RBFOX1: variants seen among roughly 807,000 people sequenced by gnomAD.
RBFOX1 encodes RNA binding fox-1 homolog 1.
In RBFOX1, 8 loss-of-function variants were observed where a neutral mutation model predicts 57.7. The observed-to-expected ratio is 0.14, with a 90% CI of 0.08 to 0.25. RBFOX1 has a LOEUF of 0.25. Among genes scored for constraint, RBFOX1 ranks in the 10% least tolerant of loss-of-function variants. The probability of loss-of-function intolerance (pLI) is 1.00; values close to 1 mark genes in which losing one functional copy is unlikely to be tolerated. For missense variants in RBFOX1, 611 were observed against 548.5 expected (o/e 1.11, Z -1.14); for synonymous variants, 326 against 222.4 (o/e 1.47, Z -4.15).
At chr16:7,678,123 G>A (rs2073859285) in intron 14 of RBFOX1, among the ~76,000 whole-genome samples, 1 of 152,140 alleles carries the variant, frequency 6.6e-6, no homozygotes. Flanking sequence ...GTTCTATGCA[G>A]GTATCATTTT....
At chr16:6,049,495 T>C (rs1011425192) in intron 1 of RBFOX1, among the ~76,000 whole-genome samples, 1 of 152,146 alleles carries the variant, frequency 6.6e-6, no homozygotes, top group Non-Finnish European at 1.5e-5. Flanking sequence ...ATGCTACTAG[T>C]CTTAAGCAAA....
At chr16:6,301,929 A>G (rs766786993) in intron 1 of RBFOX1, among the ~76,000 whole-genome samples, 5 of 152,190 alleles carry the variant, frequency 3.3e-5, no homozygotes, top group Non-Finnish European at 7.3e-5. Context: ...GCAGAAGAAC[A>G]TCCTGAGGTT....
At chr16:6,472,795 T>G (rs1378344117) in intron 2 of RBFOX1, among the ~76,000 whole-genome samples, 5 of 152,112 alleles carry the variant, frequency 3.3e-5, no homozygotes, top group Non-Finnish European at 2.9e-5. Flanking sequence ...GCTGTTTTTT[T>G]TGTGTTTTTA....
At chr16:7,173,895 C>G (rs1349938478) in intron 4 of RBFOX1, among the ~76,000 whole-genome samples, 1 of 152,182 alleles carries the variant, frequency 6.6e-6, no homozygotes, top group African/African-American at 2.4e-5. Flanking sequence ...AGTGGTTTCT[C>G]TGACAGTTGA....
chr16:7,566,763 G>C (rs2091779448), intron 5 of RBFOX1, among the ~76,000 whole-genome samples: 1 of 152,046 alleles, frequency 6.6e-6, no homozygotes, highest in Admixed American at 6.6e-5. Context: ...CTTAACTCAG[G>C]ATAGGGGAGA....
intron 4 of RBFOX1, among the ~76,000 whole-genome samples, chr16:7,109,194 A>T (rs1342471540): frequency 6.6e-6 from 1 of 152,210 alleles, no homozygotes; most frequent in Non-Finnish European, 1.5e-5. Context: ...GGAAAAATAG[A>T]TAAAACAAGT....
At chr16:7,142,647 A>G (rs902510129) in intron 4 of RBFOX1, among the ~76,000 whole-genome samples, 1 of 152,290 alleles carries the variant, frequency 6.6e-6, no homozygotes, top group East Asian at 1.9e-4. Context: ...ATTTTGATTG[A>G]TAACAGTTTA....
chr16:7,658,375 T>C (rs1221299235), intron 12 of RBFOX1, among the ~76,000 whole-genome samples: 1 of 152,168 alleles, frequency 6.6e-6, no homozygotes, highest in Non-Finnish European at 1.5e-5. Flanking sequence ...AAATACAATA[T>C]TGAGTAGGGA....
chr16:5,707,900 A>C (rs777298592), intron 3 of RBFOX1, among the ~76,000 whole-genome samples: 14 of 152,190 alleles, frequency 9.2e-5, no homozygotes, highest in Non-Finnish European at 1.5e-5. Context: ...CTCTGTACTT[A>C]ATACTATTTG....
chr16:5,888,318 T>G (rs953127383), intron 4 of RBFOX1, among the ~76,000 whole-genome samples: 1 of 152,206 alleles, frequency 6.6e-6, no homozygotes, highest in Admixed American at 6.5e-5. Context: ...GTGAGCATCT[T>G]CCTTTATTCT....
Position 5,838,503 on chromosome 16 carries a change from G to A in RBFOX1, c.319-28800G>A, listed in dbSNP as rs189578925. The stretch of plus-strand genomic sequence containing the variant: ...CCAGTTAGGATGCTGCAGATGAGCC[G>A]GGAACGGGAAACTTGCTATCTCATG... On this transcript the variant is annotated intron_variant, in intron 3 of 19. Transcript: ENST00000641259. 256 of 155,136 alleles carry A rather than the reference G, an allele frequency of 1.7e-3. 1 individual carries two copies. Among genetic ancestry groups the A allele is most frequent in the Non-Finnish European group, 2.9e-3 (198 of 69,014 alleles). The allele number at this position is 155,136 out of a possible 1,614,324, so 9.6% of individuals were successfully genotyped here. A position where few individuals can be genotyped will look rare whatever the true frequency, so the allele number is the denominator to read the frequency against.
At chr16:5,629,886 G>C (rs1444006654) in intron 3 of RBFOX1, among the ~76,000 whole-genome samples, 1 of 152,184 alleles carries the variant, frequency 6.6e-6, no homozygotes, top group Non-Finnish European at 1.5e-5. Context: ...GAGTAGGAAA[G>C]TACCCATCTT....
At chr16:6,178,592 T>G (rs918952013) in intron 1 of RBFOX1, among the ~76,000 whole-genome samples, 1 of 152,178 alleles carries the variant, frequency 6.6e-6, no homozygotes, top group African/African-American at 2.4e-5. Flanking sequence ...TTTAAAGCCA[T>G]ATAAAAGAAG....
At position 6,825,560 on chromosome 16, in the gene RBFOX1, C is replaced by G. The variant is rs192273121; in HGVS notation, c.-16+170910C>G. Among the ~76,000 whole-genome samples the G allele has an allele frequency of 3.9e-3, 590 of 152,262 alleles. 2 individuals are homozygous for G. The highest frequency in any genetic ancestry group is 0.014 in the South Asian group (67 of 4,824). Reference sequence around the variant, plus strand: ...GATATTGAAGGTCCAGGTACCTACGCACGTGTGAAGCATTTTTGAGTTCCA... The same window carrying G: ...GATATTGAAGGTCCAGGTACCTACGGACGTGTGAAGCATTTTTGAGTTCCA... On this transcript the variant is annotated intron_variant, in intron 3 of 15. Transcript: ENST00000550418.
chr16:7,684,016 A>G (rs34087164), intron 14 of RBFOX1, among the ~76,000 whole-genome samples: 17,069 of 152,118 alleles, frequency 0.11, 1,166 homozygotes, highest in East Asian at 0.23. Flanking sequence ...GTAGTATACT[A>G]TCTTTCAAGA....
At chr16:5,908,356 G>A (rs1441818919) in intron 4 of RBFOX1, among the ~76,000 whole-genome samples, 3 of 125,578 alleles carry the variant, frequency 2.4e-5, no homozygotes, top group Non-Finnish European at 3.5e-5. Context: ...GTGTGTGTCT[G>A]TGTGTGTTTT....
At chr16:7,430,419 C>T (rs536696666) in intron 4 of RBFOX1, among the ~76,000 whole-genome samples, 75 of 152,156 alleles carry the variant, frequency 4.9e-4, no homozygotes, top group African/African-American at 1.7e-3. Flanking sequence ...CCCAGCACTT[C>T]GGGAGGCTGA....
At chr16:6,854,307 T>C (rs534094243) in intron 3 of RBFOX1, among the ~76,000 whole-genome samples, 15 of 152,114 alleles carry the variant, frequency 9.9e-5, no homozygotes, top group Non-Finnish European at 2.1e-4. Flanking sequence ...AATATGACTG[T>C]ATTAGGAAGG....
intron 1 of RBFOX1, among the ~76,000 whole-genome samples, chr16:6,311,032 C>G (rs1407558439): frequency 6.6e-6 from 1 of 152,010 alleles, no homozygotes; most frequent in African/African-American, 2.4e-5. Context: ...TGTGGTGGCT[C>G]ACACTTTTAA....
Sources: allele counts gnomAD v4.1 joint callset (sites outside exome capture counted in the v4.1 genomes callset), GRCh38; gene constraint gnomAD v4.1.1; transcripts MANE v1.5; gene names NCBI Gene and HGNC (gene_info 2026-07-23, HGNC 2026-07-21).